The following LNPEP variants were observed in gnomAD, a reference collection of about 807,000 sequenced individuals.
LNPEP encodes leucyl and cystinyl aminopeptidase, also known as leucyl-cystinyl aminopeptidase.
In LNPEP, 64 loss-of-function variants were observed where a neutral mutation model predicts 120.6. That is an observed-to-expected ratio of 0.53 (90% CI 0.43 to 0.65). The LOEUF is 0.65. Among genes scored for constraint, LNPEP ranks in the 30% least tolerant of loss-of-function variants. The pLI, the probability that LNPEP is intolerant of heterozygous loss-of-function variation, is 0.00. For synonymous variants in LNPEP, 435 were observed against 425.4 expected (o/e 1.02, Z -0.28); for missense variants, 1,057 against 1,200.0 (o/e 0.88, Z 1.76).
intron 1 of LNPEP, among the ~76,000 whole-genome samples, chr5:96,975,777 AC>A (rs1201755518): frequency 6.6e-6 from 1 of 152,168 alleles, no homozygotes; most frequent in African/African-American, 2.4e-5. Flanking sequence ...GTTTTTGGGT[AC>A]TAATAGTCTA....
At chr5:96,955,412 C>A (rs534092722) in intron 1 of LNPEP, among the ~76,000 whole-genome samples, 85 of 152,072 alleles carry the variant, frequency 5.6e-4, no homozygotes, top group Non-Finnish European at 1.0e-3. Context: ...GCCAGTTGTT[C>A]GAGACCAGCC....
chr5:96,983,439 G>A (rs1240885512), intron 2 of LNPEP, among the ~76,000 whole-genome samples: 1 of 151,576 alleles, frequency 6.6e-6, no homozygotes, highest in Non-Finnish European at 1.5e-5. Flanking sequence ...ACCTGTAATC[G>A]AGGACTTTTC....
In LNPEP at chr5:97,013,817, C is replaced by A; in HGVS notation, c.2205C>A (p.Ile735=). Residue 735 remains isoleucine (I), a synonymous_variant, in exon 12 of 18, where the codon ATC becomes ATA. Transcript: ENST00000231368. ...DKDRANLINN[I]FELAGLGKVP... ...ACCGAGCCAACCTTATCAACAACAT[C>A]TTTGAACTTGCAGGGTAGAGTATAC... 6.3e-7 allele frequency: 1 copy of A among 1,599,980 alleles called. No individual in the cohort carries two copies. The highest frequency in any genetic ancestry group is 8.5e-7 in the Non-Finnish European group (1 of 1,174,932).
At chr5:96,990,459 T>C (rs1254799474) in intron 4 of LNPEP, among the ~76,000 whole-genome samples, 1 of 152,228 alleles carries the variant, frequency 6.6e-6, no homozygotes, top group Non-Finnish European at 1.5e-5. Context: ...TCTATACATA[T>C]AATTCTTCCA....
Position 97,030,716 on chromosome 5 carries a change from T to G in LNPEP, c.*2183T>G, listed in dbSNP as rs1315601402. 6.7e-6 allele frequency: 1 copy of G among 149,342 alleles called. No homozygotes were observed. 9.3% of individuals were successfully genotyped at this position (149,342 alleles called of 1,614,324 possible). ...AGTAAAACTTTATCAAAACTTGGCC[T>G]GAAAAAGAGATAACTCATGATCCAT... On this transcript the variant is annotated 3_prime_UTR_variant, in exon 18 of 18. Transcript: ENST00000231368.
At chr5:96,952,389 G>A (rs1180641352) in intron 1 of LNPEP, among the ~76,000 whole-genome samples, 2 of 152,156 alleles carry the variant, frequency 1.3e-5, no homozygotes, top group Non-Finnish European at 2.9e-5. Flanking sequence ...GACTCTGAAG[G>A]CCTCCTGCAA....
intron 1 of LNPEP, among the ~76,000 whole-genome samples, chr5:96,945,740 A>T (rs1463263040): frequency 1.3e-5 from 2 of 151,978 alleles, no homozygotes; most frequent in African/African-American, 4.8e-5. Flanking sequence ...CTAGTTTTTC[A>T]TGTTTACTTT....
intron 1 of LNPEP, among the ~76,000 whole-genome samples, chr5:96,950,836 T>C (rs1789302572): frequency 6.6e-6 from 1 of 152,196 alleles, no homozygotes; most frequent in South Asian, 2.1e-4. Context: ...CCGCTTAAAA[T>C]CTCCATTTCT....
chr5:96,983,510 A>G (rs1035969744), intron 2 of LNPEP, among the ~76,000 whole-genome samples: 1 of 152,040 alleles, frequency 6.6e-6, no homozygotes, highest in African/African-American at 2.4e-5. Context: ...CAGTGGTGCA[A>G]TCTTGGCTGA....
intron 1 of LNPEP, among the ~76,000 whole-genome samples, chr5:96,974,931 G>T (rs1400585600): frequency 6.6e-6 from 1 of 151,938 alleles, no homozygotes; most frequent in East Asian, 1.9e-4. Flanking sequence ...CTTAAATGCT[G>T]ATCCTCCCTG....
chr5:96,948,624 TA>T (rs1321681050), intron 1 of LNPEP, among the ~76,000 whole-genome samples: 1 of 152,246 alleles, frequency 6.6e-6, no homozygotes, highest in East Asian at 1.9e-4. Context: ...TTACAAATAT[TA>T]ACGTAGCATG....
At chr5:97,017,988 T>G (rs933189354) in intron 13 of LNPEP, among the ~76,000 whole-genome samples, 4 of 152,106 alleles carry the variant, frequency 2.6e-5, no homozygotes, top group Non-Finnish European at 5.9e-5. Context: ...TCCCTGTGTT[T>G]CTGTGCCCAA....
rs1173541898 is a variant in LNPEP, at chr5:97,031,218, G to A, written c.*2685G>A. The A allele has an allele frequency of 6.6e-6, 1 of 151,358 alleles. No individual in the cohort carries two copies. Among genetic ancestry groups the A allele is most frequent in the African/African-American group, 2.4e-5 (1 of 41,164 alleles). The allele number at this position is 151,358 out of a possible 1,614,324, so 9.4% of individuals were successfully genotyped here. ...GGAAATCTTGAGTTGTGGAAGAAAT[G>A]TTTATGCTTTGGAGATCTAAAAAAG... On this transcript the variant is annotated 3_prime_UTR_variant, in exon 18 of 18. Coordinates refer to ENST00000231368, the MANE Select transcript of LNPEP (RefSeq NM_005575.3).
chr5:97,022,222 C>A, intron 13 of LNPEP, 78 bp from the exon 14 acceptor site: 1 of 908,124 alleles, frequency 1.1e-6, no homozygotes, highest in Non-Finnish European at 1.7e-6. Flanking sequence ...AGACACTGCA[C>A]CTGGCTGTAA....
chr5:96,949,009 CT>C (rs2112564704), intron 1 of LNPEP, among the ~76,000 whole-genome samples: 1 of 152,262 alleles, frequency 6.6e-6, no homozygotes, highest in East Asian at 1.9e-4. Flanking sequence ...AAACTTAAAA[CT>C]TTTTTGAAAT....
rs1047945256 is a variant in LNPEP at position 97,028,447 on chromosome 5, C to T, written c.2992C>T (p.Arg998Cys). 9 of 1,613,906 alleles carry T rather than the reference C, an allele frequency of 5.6e-6. No individual in the cohort carries two copies. Among genetic ancestry groups the T allele is most frequent in the East Asian group, 2.2e-5 (1 of 44,882 alleles). ...ENQSEATFRL[R>C]CVQEALEVIQ... is the part of the protein sequence containing the mutation. ...TCAGTCAGAGGCAACCTTCCGGCTT[C>T]GTTGTGTCCAGGAGGCTTTGGAAGT... is the stretch of plus-strand genomic sequence containing the variant. The change falls in exon 18 of 18, where the codon CGT (arginine) becomes TGT (cysteine). Residue 998 changes from arginine to cysteine, a missense_variant. Physicochemically the swap from Arg to Cys is radical, Grantham distance 180. Transcript: ENST00000231368.
chr5:97,028,365 TTTC>T (rs1791395406), intron 17 of LNPEP, 34 bp from the exon 18 acceptor site: 3 of 1,608,270 alleles, frequency 1.9e-6, no homozygotes, highest in African/African-American at 1.3e-5. Flanking sequence ...TTATCGTCCT[TTTC>T]TTCTTTTGAA....
At chr5:97,011,792 A>AT (rs1790934787) in intron 11 of LNPEP, among the ~76,000 whole-genome samples, 1 of 152,136 alleles carries the variant, frequency 6.6e-6, no homozygotes, top group Non-Finnish European at 1.5e-5. Flanking sequence ...TAAGTACGGA[A>AT]TTTTTTTAGT....
At chr5:96,984,975 C>A (rs1790206683) in intron 2 of LNPEP, 105 bp from the exon 3 acceptor site, 2 of 1,229,454 alleles carry the variant, frequency 1.6e-6, no homozygotes, top group Non-Finnish European at 2.3e-6. Flanking sequence ...TATTGCAGAT[C>A]CTTTAGTAAC....
Sources: gnomAD v4.1 joint callset for allele counts (sites outside exome capture counted in the v4.1 genomes callset) on GRCh38, gnomAD v4.1.1 for gene constraint, MANE v1.5 for transcripts, NCBI Gene and HGNC (gene_info 2026-07-23, HGNC 2026-07-21) for gene names.